The following EIF2S3B variants were observed in gnomAD, a reference collection of about 807,000 sequenced individuals.
The protein encoded by EIF2S3B is eukaryotic translation initiation factor 2 subunit gamma B, also known as eukaryotic translation initiation factor 2 subunit 3B.
EIF2S3B carries 16 observed loss-of-function variants against 26.4 expected under a neutral mutation model. That is an observed-to-expected ratio of 0.61 (90% confidence interval 0.41 to 0.92). The LOEUF is 0.92. Ranked by LOEUF, EIF2S3B falls within the 40% of genes least tolerant of loss-of-function variation. EIF2S3B has a pLI of 0.00. For synonymous variants in EIF2S3B, 183 were observed against 204.4 expected, an observed-to-expected ratio of 0.90 and a Z score of 0.89; for missense variants, 510 against 575.5, an observed-to-expected ratio of 0.89 and a Z score of 1.16.
chr12:10,513,820 G>C (rs1864728352), intron 1 of EIF2S3B, among the ~76,000 whole-genome samples: 1 of 152,148 alleles, frequency 6.6e-6, no homozygotes, highest in South Asian at 2.1e-4. Flanking sequence ...TTCAAGACCA[G>C]CCTGACCAAC....
At chr12:10,510,133 T>C (rs1008011292), downstream of EIF2S3B, among the ~76,000 whole-genome samples, 1 of 152,184 alleles carries the variant, frequency 6.6e-6, no homozygotes, top group Non-Finnish European at 1.5e-5. Context: ...GTCTGATGTA[T>C]ACTAAAATAT....
At position 10,506,482 on chromosome 12, in the gene EIF2S3B, T is replaced by C. The variant is rs1414533366; in HGVS notation, c.580T>C (p.Leu194=). The change falls in exon 1 of 1, where the codon TTG becomes CTG. Residue 194 remains leucine (L), a synonymous_variant. Transcript: ENST00000538173. ...HILILQNKID[L]VKERQAKEQY... is the part of the protein sequence containing the mutation. ...TTTGATTCTACAAAATAAAATTGAT[T>C]TGGTAAAAGAAAGGCAGGCTAAAGA... 1.9e-6 allele frequency: 3 copies of C among 1,609,964 alleles called. No individual in the cohort carries two copies. In the South Asian group the frequency reaches 3.3e-5, roughly 18 times the overall value.
At chr12:10,513,410 G>A (rs1254114375), downstream of EIF2S3B, among the ~76,000 whole-genome samples, 1 of 152,174 alleles carries the variant, frequency 6.6e-6, no homozygotes, top group Admixed American at 6.6e-5. Flanking sequence ...AATCAACACT[G>A]GGGTGGGAGT....
intron 1 of EIF2S3B, among the ~76,000 whole-genome samples, chr12:10,518,896 G>A (rs1864796330): frequency 6.6e-6 from 1 of 152,120 alleles, no homozygotes; most frequent in Non-Finnish European, 1.5e-5. Flanking sequence ...CATGCTCATG[G>A]GTAGGAAGAA....
intron 1 of EIF2S3B, among the ~76,000 whole-genome samples, chr12:10,518,050 A>T (rs1394315092): frequency 3.6e-4 from 55 of 151,958 alleles, no homozygotes; most frequent in South Asian, 8.4e-4. Flanking sequence ...CAATTTTGGA[A>T]TAGGTGTGGT....
At position 10,505,937 on chromosome 12, in the gene EIF2S3B, A is replaced by T; in HGVS notation, c.35A>T (p.Gln12Leu). ...AGGEAGVTLG[Q>L]PHLSRQDLTT... ...GGAGAAGCTGGGGTGACTCTGGGGC[A>T]GCCGCACCTTTCGCGTCAGGATCTC... The change falls in exon 1 of 1, where the codon CAG becomes CTG. Residue 12 changes from glutamine (Q) to leucine (L), a missense_variant. Physicochemically the swap from Gln to Leu is moderately radical, Grantham distance 113. Coordinates refer to ENST00000538173, the MANE Select transcript of EIF2S3B (RefSeq NM_001357734.3). The T allele has an allele frequency of 6.2e-7, 1 of 1,601,780 alleles. No individual in the cohort carries two copies. Among genetic ancestry groups the T allele is most frequent in the Non-Finnish European group, 8.6e-7 (1 of 1,168,766 alleles).
chr12:10,507,389 G>A lies in EIF2S3B; in HGVS notation c.*68G>A. 2 of 1,568,528 alleles carry A rather than the reference G, an allele frequency of 1.3e-6. No individual in the cohort carries two copies. Among genetic ancestry groups the A allele is most frequent in the Non-Finnish European group, 1.8e-6 (2 of 1,139,640 alleles). ...GCAATTTCTCTTTAACAACCAAGGG[G>A]TTTATTTTCAAAGCGATATTGGGGA... On this transcript the variant is annotated 3_prime_UTR_variant, in exon 1 of 1. Coordinates refer to ENST00000538173, the MANE Select transcript of EIF2S3B (RefSeq NM_001357734.3).
rs755359220 is a variant in EIF2S3B, at chr12:10,506,708, G to A, written c.806G>A (p.Cys269Tyr). Residue 269 changes from cysteine (C) to tyrosine (Y), a missense_variant, in exon 1 of 1, where the codon TGT (cysteine) becomes TAT (tyrosine). By Grantham distance (194) the Cys-to-Tyr change is radical. Transcript: ENST00000538173. ...IRSFDVNKPG[C>Y]EVDDLKGGVA... ...TCTTTTGATGTCAACAAACCTGGCT[G>A]TGAAGTTGATGACCTTAAGGGAGGT... is the stretch of plus-strand genomic sequence containing the variant. 9.9e-6 allele frequency: 16 copies of A among 1,613,940 alleles called. No individual in the cohort carries two copies. The highest frequency in any genetic ancestry group is 6.7e-5 in the Admixed American group (4 of 60,002).
In EIF2S3B at chr12:10,507,855, G is replaced by A. The variant is rs761047142; in HGVS notation, c.*534G>A. On this transcript the variant is annotated 3_prime_UTR_variant, in exon 1 of 1. Coordinates refer to ENST00000538173, the MANE Select transcript of EIF2S3B (RefSeq NM_001357734.3). ...GCCCACCTCGGCCTCACAAAGTGCC[G>A]GGATTACAGGCGTGAGCCACCTTGC... 1.6e-4 allele frequency among the ~76,000 whole-genome samples: 24 copies of A among 152,168 alleles called. No individual in the cohort carries two copies. Among genetic ancestry groups the A allele is most frequent in the South Asian group, 2.1e-4 (1 of 4,822 alleles).
rs542053633 is a variant in EIF2S3B at position 10,507,154 on chromosome 12, A to T, written c.1252A>T (p.Ser418Cys). 1.2e-6 allele frequency: 2 copies of T among 1,613,852 alleles called. No homozygotes were observed. Among genetic ancestry groups the T allele is most frequent in the East Asian group, 4.5e-5 (2 of 44,882 alleles). ...IGSLSTGGRVSAVKADLGKIV... is the reference protein window; with the variant it reads ...IGSLSTGGRVCAVKADLGKIV... The stretch of plus-strand genomic sequence containing the variant: ...ATCCCTGTCGACAGGAGGGAGAGTT[A>T]GTGCTGTCAAGGCCGATTTGGGCAA... Residue 418 changes from serine to cysteine, a missense_variant, in exon 1 of 1, where the codon AGT becomes TGT. Coordinates refer to ENST00000538173, the MANE Select transcript of EIF2S3B (RefSeq NM_001357734.3).
intron 1 of EIF2S3B, among the ~76,000 whole-genome samples, chr12:10,521,494 T>C (rs1864832458): frequency 6.6e-6 from 1 of 152,146 alleles, no homozygotes; most frequent in Non-Finnish European, 1.5e-5. Flanking sequence ...AATCCATATA[T>C]GTGTATATAT....
rs1437073864 is a variant in EIF2S3B, at chr12:10,508,483, T to C, written c.*1162T>C. On this transcript the variant is annotated 3_prime_UTR_variant, in exon 1 of 1. Transcript: ENST00000538173. ...ACACAGATTATAATATTACTAATTT[T>C]TGGATGTTTCAAAAGGTCAATAAGT... is the stretch of plus-strand genomic sequence containing the variant. Among the ~76,000 whole-genome samples, 2 of 148,706 alleles carry C rather than the reference T, an allele frequency of 1.3e-5. No individual in the cohort carries two copies. Among genetic ancestry groups the C allele is most frequent in the African/African-American group, 2.5e-5 (1 of 40,050 alleles).
chr12:10,512,174 C>T (rs1027256392), downstream of EIF2S3B, among the ~76,000 whole-genome samples: 2 of 152,140 alleles, frequency 1.3e-5, no homozygotes, highest in African/African-American at 4.8e-5. Context: ...CTTTCCTTAT[C>T]GCCCGCTCAA....
At chr12:10,513,990 G>C (rs1864730249) in intron 1 of EIF2S3B, among the ~76,000 whole-genome samples, 1 of 152,162 alleles carries the variant, frequency 6.6e-6, no homozygotes, top group Non-Finnish European at 1.5e-5. Context: ...ACTCCAGCCT[G>C]GGTGACAGAG....
At position 10,507,964 on chromosome 12, in the gene EIF2S3B, C is replaced by A. The variant is rs371454258; in HGVS notation, c.*643C>A. ...ACACACATATATCACTGAAACTGTT[C>A]GAAATAAAGTTTTTTTTTGTTTTTC... On this transcript the variant is annotated 3_prime_UTR_variant, in exon 1 of 1. Coordinates refer to ENST00000538173, the MANE Select transcript of EIF2S3B (RefSeq NM_001357734.3). Among the ~76,000 whole-genome samples the A allele has an allele frequency of 2.0e-5, 3 of 151,356 alleles. No homozygotes were observed. The highest frequency in any genetic ancestry group is 6.6e-5 in the Admixed American group (1 of 15,258).
Position 10,507,522 on chromosome 12 carries a change from A to G in EIF2S3B, c.*201A>G. ...TACAATTAGTATAAAAATTGGCATA[A>G]TGTTGGATTGAATCTACATTTTGGC... On this transcript the variant is annotated 3_prime_UTR_variant, in exon 1 of 1. Coordinates refer to ENST00000538173, the MANE Select transcript of EIF2S3B (RefSeq NM_001357734.3). 1 of 636,290 alleles carries G rather than the reference A, an allele frequency of 1.6e-6. No homozygotes were observed. Among genetic ancestry groups the G allele is most frequent in the South Asian group, 2.1e-5 (1 of 48,702 alleles). The allele number at this position is 636,290 out of a possible 1,614,324, so 39.4% of individuals were successfully genotyped here. A position where few individuals can be genotyped will look rare whatever the true frequency, so the allele number is the denominator to read the frequency against.
rs571950849 is a variant in EIF2S3B at position 10,515,403 on chromosome 12, T to C, written c.1309-7200T>C. On this transcript the variant is annotated intron_variant, in intron 1 of 1. Transcript: ENST00000322446. ...GGTGCCATATATAGTTCCTGACCTATAGAAGATACCCAAAGTTGTTTGTTG... is the reference window on the plus strand; with the variant it reads ...GGTGCCATATATAGTTCCTGACCTACAGAAGATACCCAAAGTTGTTTGTTG... 2.0e-5 allele frequency among the ~76,000 whole-genome samples: 3 copies of C among 152,130 alleles called. No homozygotes were observed. In the South Asian group the frequency reaches 6.2e-4, roughly 32 times the overall value.
chr12:10,520,587 TCTTA>T lies in EIF2S3B; in HGVS notation c.1309-2012_1309-2009del, dbSNP rs200382584. ...GAACATAATTATGATTTCATTTTTT[TCTTA>T]CTTGACAATATATTTTCAGAAAACA... On this transcript the variant is annotated intron_variant, in intron 1 of 1. Transcript: ENST00000322446. Among the ~76,000 whole-genome samples, 964 of 152,270 alleles carry T rather than the reference TCTTA, an allele frequency of 6.3e-3. 9 individuals are homozygous for T. Among genetic ancestry groups the T allele is most frequent in the African/African-American group, 0.022 (907 of 41,540 alleles).
chr12:10,507,594 T>C lies in EIF2S3B; in HGVS notation c.*273T>C. The stretch of plus-strand genomic sequence containing the variant: ...AATGTCAAAATTATACATTATGCAG[T>C]TTTTTTGTTTGTTTTATTTTGTTTT... On this transcript the variant is annotated 3_prime_UTR_variant, in exon 1 of 1. Coordinates refer to ENST00000538173, the MANE Select transcript of EIF2S3B (RefSeq NM_001357734.3). 1.8e-6 allele frequency: 1 copy of C among 555,758 alleles called. No homozygotes were observed. The highest frequency in any genetic ancestry group is 2.4e-5 in the South Asian group (1 of 41,232). 34.4% of individuals were successfully genotyped at this position (555,758 alleles called of 1,614,324 possible). A position where few individuals can be genotyped will look rare whatever the true frequency, so the allele number is the denominator to read the frequency against.
Sources: allele counts gnomAD v4.1 joint callset (sites outside exome capture counted in the v4.1 genomes callset), GRCh38; gene constraint gnomAD v4.1.1; transcripts MANE v1.5; gene names NCBI Gene and HGNC (gene_info 2026-07-23, HGNC 2026-07-21).